Variants in TULP4 observed in about 807,000 individuals in gnomAD.
TULP4 encodes tubby-related protein 4.
In TULP4, 16 loss-of-function variants were observed where a neutral mutation model predicts 129.0. The ratio of observed to expected loss-of-function variants is 0.12; its 90% CI spans 0.08 to 0.19. The LOEUF (loss-of-function observed/expected upper bound fraction) is 0.19, where lower values mean the gene tolerates loss of function less well. TULP4 is among the 10% of genes least tolerant of loss of function. The pLI is 1.00. For missense variants in TULP4, 1,842 were observed against 2,059.1 expected, an observed-to-expected ratio of 0.89 and a Z score of 2.04; for synonymous variants, 998 against 854.0, an observed-to-expected ratio of 1.17 and a Z score of -2.94.
chr6:158,355,292 C>T (rs1780620118), intron 1 of TULP4, among the ~76,000 whole-genome samples: 1 of 152,054 alleles, frequency 6.6e-6, no homozygotes. Flanking sequence ...TGTTCTATTA[C>T]CCAAGCTGGT....
At chr6:158,455,628 T>G (rs1228304545) in intron 5 of TULP4, among the ~76,000 whole-genome samples, 1 of 151,818 alleles carries the variant, frequency 6.6e-6, no homozygotes, top group African/African-American at 2.4e-5. Context: ...TCCCAGCTAC[T>G]TGGGAGGCTG....
At chr6:158,318,259 A>G (rs1275578180) in intron 1 of TULP4, among the ~76,000 whole-genome samples, 1 of 152,198 alleles carries the variant, frequency 6.6e-6, no homozygotes, top group Non-Finnish European at 1.5e-5. Context: ...TAGGAGTTCA[A>G]GACCAGCCTG....
chr6:158,328,125 T>TGTGTGTGC (rs1554280506), intron 1 of TULP4, among the ~76,000 whole-genome samples: 1 of 52,170 alleles, frequency 1.9e-5, no homozygotes, highest in African/African-American at 6.0e-5. Context: ...TGTGTGTGTG[T>TGTGTGTGC]GTGCGTGCGT....
chr6:158,282,846 T>C (rs1258239508), intron 1 of TULP4: 1 of 152,056 alleles, frequency 6.6e-6, no homozygotes, highest in African/African-American at 2.4e-5. Flanking sequence ...CGTTATATTA[T>C]ATGAAAATCT....
chr6:158,289,349 A>G (rs1273528511), intron 1 of TULP4, among the ~76,000 whole-genome samples: 5 of 151,892 alleles, frequency 3.3e-5, no homozygotes, highest in Admixed American at 1.3e-4. Context: ...TTTGCAAAGA[A>G]TCAGTGTTTG....
intron 1 of TULP4, among the ~76,000 whole-genome samples, chr6:158,244,989 C>T (rs566815331): frequency 6.6e-6 from 1 of 151,872 alleles, no homozygotes; most frequent in African/African-American, 2.4e-5. Flanking sequence ...AATTTAGACA[C>T]AATTTTTTTA....
At chr6:158,325,864 A>G (rs1779734505) in intron 1 of TULP4, among the ~76,000 whole-genome samples, 1 of 152,170 alleles carries the variant, frequency 6.6e-6, no homozygotes, top group Admixed American at 6.5e-5. Flanking sequence ...GCTAAGAATG[A>G]AAAATAGCAA....
At chr6:158,239,658 C>A (rs1777814402) in intron 1 of TULP4, among the ~76,000 whole-genome samples, 1 of 71,962 alleles carries the variant, frequency 1.4e-5, no homozygotes, top group Non-Finnish European at 3.1e-5. Flanking sequence ...CCACCTCCCT[C>A]CCGGACCGGG....
intron 2 of TULP4, among the ~76,000 whole-genome samples, chr6:158,414,355 A>G (rs190968941): frequency 6.0e-4 from 63 of 104,256 alleles, no homozygotes; most frequent in African/African-American, 1.6e-3. Context: ...GAGCTCTGGA[A>G]TCAGACAATG....
chr6:158,274,829 G>A (rs770108105), intron 1 of TULP4, among the ~76,000 whole-genome samples: 8 of 152,136 alleles, frequency 5.3e-5, no homozygotes, highest in Non-Finnish European at 1.2e-4. Context: ...ACTGCACTCC[G>A]AATAAAATAT....
At chr6:158,256,633 T>G (rs1778249692) in intron 1 of TULP4, among the ~76,000 whole-genome samples, 1 of 152,232 alleles carries the variant, frequency 6.6e-6, no homozygotes, top group South Asian at 2.1e-4. Flanking sequence ...GCTCTCACTC[T>G]TATACATATG....
At chr6:158,470,252 A>G (rs1010006579) in intron 6 of TULP4, among the ~76,000 whole-genome samples, 3 of 152,232 alleles carry the variant, frequency 2.0e-5, no homozygotes, top group African/African-American at 7.2e-5. Flanking sequence ...ACGGCGGCAA[A>G]CAGCAGTGGT....
At chr6:158,397,261 C>G (rs1777740148) in intron 1 of TULP4, among the ~76,000 whole-genome samples, 1 of 152,338 alleles carries the variant, frequency 6.6e-6, no homozygotes, top group East Asian at 1.9e-4. Flanking sequence ...TGTGCTGTTA[C>G]TCTGACTTGT....
At chr6:158,273,702 C>G (rs763296772) in intron 1 of TULP4, among the ~76,000 whole-genome samples, 85 of 152,188 alleles carry the variant, frequency 5.6e-4, no homozygotes, top group Non-Finnish European at 9.3e-4. Flanking sequence ...TATGTGCCGG[C>G]ACTGCCTCAA....
At chr6:158,505,137 C>T (rs1780572148) in intron 13 of TULP4, among the ~76,000 whole-genome samples, 1 of 152,224 alleles carries the variant, frequency 6.6e-6, no homozygotes, top group Non-Finnish European at 1.5e-5. Context: ...CGGATGTTAT[C>T]TCATGGTGCA....
At chr6:158,428,910 G>T (rs1778564308) in intron 2 of TULP4, among the ~76,000 whole-genome samples, 1 of 152,156 alleles carries the variant, frequency 6.6e-6, no homozygotes, top group Non-Finnish European at 1.5e-5. Context: ...GAGGCTTAAT[G>T]AATTAATGTA....
intron 1 of TULP4, among the ~76,000 whole-genome samples, chr6:158,233,634 T>C (rs1311943969): frequency 2.6e-5 from 4 of 152,138 alleles, no homozygotes; most frequent in Non-Finnish European, 5.9e-5. Context: ...CACACTGCAA[T>C]CCAGAGAGGC....
At chr6:158,416,617 A>G (rs939512001) in intron 2 of TULP4, among the ~76,000 whole-genome samples, 8 of 152,248 alleles carry the variant, frequency 5.3e-5, no homozygotes, top group East Asian at 3.8e-4. Flanking sequence ...AACAGTTACA[A>G]TAAGCTAAGG....
At chr6:158,317,786 C>T (rs147180277) in intron 1 of TULP4, among the ~76,000 whole-genome samples, 3,699 of 152,224 alleles carry the variant, frequency 0.024, 58 homozygotes, top group Middle Eastern at 0.054. Context: ...AGTGTAAAAG[C>T]GTTACTATTT....
Sources: allele counts gnomAD v4.1 joint callset (sites outside exome capture counted in the v4.1 genomes callset), GRCh38; gene constraint gnomAD v4.1.1; transcripts MANE v1.5; gene names NCBI Gene and HGNC (gene_info 2026-07-23, HGNC 2026-07-21).